HECW1: variants seen among roughly 807,000 people sequenced by gnomAD.
HECW1 encodes E3 ubiquitin-protein ligase HECW1.
HECW1 carries 61 observed loss-of-function variants against 182.3 expected under a neutral mutation model. That is an observed-to-expected ratio of 0.33 (90% CI 0.27 to 0.41). HECW1 has a LOEUF of 0.41. Among genes scored for constraint, HECW1 ranks in the 10% least tolerant of loss-of-function variants. The probability of loss-of-function intolerance (pLI) is 1.00; values close to 1 mark genes in which losing one functional copy is unlikely to be tolerated. For missense variants in HECW1, 1,739 were observed against 2,108.9 expected (o/e 0.82, Z 3.44); for synonymous variants, 859 against 832.6 (o/e 1.03, Z -0.55).
chr7:43,141,885 G>A (rs1317841936), intron 2 of HECW1, among the ~76,000 whole-genome samples: 3 of 152,214 alleles, frequency 2.0e-5, no homozygotes, highest in Admixed American at 6.5e-5. Flanking sequence ...GTGTACTGGC[G>A]ACTTGGAGTC....
At chr7:43,407,842 C>A in intron 8 of HECW1, 111 bp downstream of exon 8, 1 of 952,166 alleles carries the variant, frequency 1.1e-6, no homozygotes, top group Non-Finnish European at 1.6e-6. Context: ...GCTGCTCAAT[C>A]TATGGCTGTC....
chr7:43,204,268 A>G (rs1395992587), intron 2 of HECW1, among the ~76,000 whole-genome samples: 2 of 152,230 alleles, frequency 1.3e-5, no homozygotes, highest in African/African-American at 4.8e-5. Flanking sequence ...TGCATGACTC[A>G]TGTAAAGTTT....
chr7:43,434,166 C>G (rs1335643047), intron 8 of HECW1, among the ~76,000 whole-genome samples: 1 of 151,990 alleles, frequency 6.6e-6, no homozygotes, highest in Non-Finnish European at 1.5e-5. Flanking sequence ...TGTCTGCATA[C>G]TAAGCATTTG....
intron 2 of HECW1, among the ~76,000 whole-genome samples, chr7:43,173,244 T>C (rs1791866249): frequency 6.9e-6 from 1 of 145,814 alleles, no homozygotes; most frequent in South Asian, 2.3e-4. Context: ...AGAGGAAAAT[T>C]AAAGGGCCAC....
intron 2 of HECW1, among the ~76,000 whole-genome samples, chr7:43,209,477 G>T (rs569322765): frequency 7.9e-5 from 12 of 152,116 alleles, no homozygotes; most frequent in African/African-American, 2.9e-4. Flanking sequence ...GGGGTATCTC[G>T]CGGCTCCTGT....
At chr7:43,547,572 CA>C (rs1174673332) in intron 26 of HECW1, among the ~76,000 whole-genome samples, 3 of 151,288 alleles carry the variant, frequency 2.0e-5, no homozygotes, top group African/African-American at 7.3e-5. Context: ...GCTGTGTTTT[CA>C]ATATGAGATA....
At chr7:43,337,678 T>A (rs1328043966) in intron 5 of HECW1, among the ~76,000 whole-genome samples, 1 of 152,252 alleles carries the variant, frequency 6.6e-6, no homozygotes, top group Non-Finnish European at 1.5e-5. Flanking sequence ...TGTCTTCAGA[T>A]GCTCTTGCTG....
In HECW1 at chr7:43,482,425, C is replaced by T. The variant is rs1450595594; in HGVS notation, c.3234+2681C>T. On this transcript the variant is annotated intron_variant, in intron 17 of 29. Coordinates refer to ENST00000395891, the MANE Select transcript of HECW1 (RefSeq NM_015052.5). ...GATTCCATGCATGGCTTGCTATGAG[C>T]ACTGTGGAATGCAAAATATGAGACA... 4.6e-5 allele frequency among the ~76,000 whole-genome samples: 7 copies of T among 152,256 alleles called. No homozygotes were observed. The East Asian group carries it at 1.4e-3, about 29-fold the overall frequency.
intron 2 of HECW1, among the ~76,000 whole-genome samples, chr7:43,169,200 T>C (rs1288154834): frequency 2.6e-5 from 4 of 152,194 alleles, no homozygotes; most frequent in Admixed American, 6.5e-5. Flanking sequence ...AATTCTGTCA[T>C]CTTTCCACTA....
At position 43,463,573 on chromosome 7, in the gene HECW1, A is replaced by G. The variant is rs531875446; in HGVS notation, c.2652-87A>G. ...CCTGACATTCAAGACAATTCTTTAC[A>G]GATTTCTCCAATTATCTGATTCAGA... On this transcript the variant is annotated intron_variant, in intron 13 of 29. Transcript: ENST00000395891. 1.6e-4 allele frequency: 195 copies of G among 1,256,510 alleles called. 3 individuals carry two copies. In the South Asian group the frequency reaches 2.7e-3, roughly 17 times the overall value. 77.8% of individuals were successfully genotyped at this position (1,256,510 alleles called of 1,614,324 possible). A position where few individuals can be genotyped will look rare whatever the true frequency, so the allele number is the denominator to read the frequency against.
At chr7:43,274,936 A>G (rs531061224) in intron 3 of HECW1, among the ~76,000 whole-genome samples, 5 of 152,282 alleles carry the variant, frequency 3.3e-5, no homozygotes, top group East Asian at 1.9e-4. Flanking sequence ...ATACAACTCA[A>G]TGCTGTTGAA....
At chr7:43,124,313 G>T (rs1027597564) in intron 2 of HECW1, among the ~76,000 whole-genome samples, 2 of 152,174 alleles carry the variant, frequency 1.3e-5, no homozygotes, top group African/African-American at 4.8e-5. Flanking sequence ...GAGGGATCCA[G>T]ATATTTTATT....
chr7:43,407,805 C>T, intron 8 of HECW1, 74 bp downstream of exon 8: 1 of 1,339,566 alleles, frequency 7.5e-7, no homozygotes, highest in South Asian at 1.3e-5. Flanking sequence ...CCTCCTCCTT[C>T]CCTCCATTCA....
intron 5 of HECW1, among the ~76,000 whole-genome samples, chr7:43,336,089 CTCTTTCTTTCTTTCTTCT>C (rs1812151799): frequency 7.1e-6 from 1 of 141,496 alleles, no homozygotes; most frequent in Non-Finnish European, 1.5e-5. Context: ...TTCTTTCTTT[CTCTTTCTTTCTTTCTTCT>C]TTCTTTCTTT....
chr7:43,319,130 G>A (rs58342021), intron 4 of HECW1, among the ~76,000 whole-genome samples: 1 of 152,012 alleles, frequency 6.6e-6, no homozygotes, highest in South Asian at 2.1e-4. Flanking sequence ...GCTCACGCCT[G>A]TAATCCCAGC....
At chr7:43,292,487 C>T (rs1805518278) in intron 3 of HECW1, among the ~76,000 whole-genome samples, 1 of 152,178 alleles carries the variant, frequency 6.6e-6, no homozygotes, top group African/African-American at 2.4e-5. Context: ...TACCCAGGGT[C>T]ACAAAGTCAG....
At chr7:43,386,874 T>A (rs1470974796) in intron 6 of HECW1, among the ~76,000 whole-genome samples, 1 of 152,202 alleles carries the variant, frequency 6.6e-6, no homozygotes, top group African/African-American at 2.4e-5. Flanking sequence ...GTTTACAAAA[T>A]AATTAAAATA....
chr7:43,332,575 G>A (rs1258793493), intron 5 of HECW1, among the ~76,000 whole-genome samples: 1 of 152,144 alleles, frequency 6.6e-6, no homozygotes, highest in Non-Finnish European at 1.5e-5. Context: ...GTGTCTGAAG[G>A]GCATGGCAAG....
chr7:43,438,104 G>C lies in HECW1; in HGVS notation c.903G>C (p.Leu301=). The change falls in exon 9 of 30, where the codon CTG becomes CTC. Residue 301 remains leucine, a synonymous_variant. Transcript: ENST00000395891. ...RPIIKRFLGK[L]SMPVQRLLER... is the part of the protein sequence containing the mutation. ...TCATCAAGCGCTTCTTGGGAAAGCT[G>C]TCGATGCCCGTTCAAAGACTCCTGG... is the stretch of plus-strand genomic sequence containing the variant. The C allele has an allele frequency of 6.2e-7, 1 of 1,614,134 alleles. No individual in the cohort carries two copies. The highest frequency in any genetic ancestry group is 8.5e-7 in the Non-Finnish European group (1 of 1,180,014).
Sources: allele counts gnomAD v4.1 joint callset (sites outside exome capture counted in the v4.1 genomes callset), GRCh38; gene constraint gnomAD v4.1.1; transcripts MANE v1.5; gene names NCBI Gene and HGNC (gene_info 2026-07-23, HGNC 2026-07-21).